ZNF827: variants seen among roughly 807,000 people sequenced by gnomAD.
ZNF827 encodes zinc finger protein 827.
Under a neutral mutation model 102.4 loss-of-function variants are expected in ZNF827, and 13 were observed. The observed-to-expected ratio is 0.13, with a 90% confidence interval of 0.08 to 0.20. The LOEUF (loss-of-function observed/expected upper bound fraction) is 0.20. Ranked by LOEUF, ZNF827 falls within the 10% of genes least tolerant of loss-of-function variation. The probability of loss-of-function intolerance (pLI) is 1.00; values close to 1 mark genes in which losing one functional copy is unlikely to be tolerated. For missense variants in ZNF827, 1,103 were observed against 1,344.4 expected (o/e 0.82, Z 2.81); for synonymous variants, 523 against 536.2 (o/e 0.98, Z 0.34).
At chr4:145,907,368 G>T (rs567799391) in intron 1 of ZNF827, 1 of 365,386 alleles carries the variant, frequency 2.7e-6, no homozygotes, top group South Asian at 2.1e-5. Context: ...ACACTACATC[G>T]TGAGAAAAAG....
intron 1 of ZNF827, among the ~76,000 whole-genome samples, chr4:145,920,156 T>A (rs1457404365): frequency 6.6e-6 from 1 of 152,166 alleles, no homozygotes. Flanking sequence ...AAATCTCAAA[T>A]GAGAAAACAT....
At chr4:145,936,120 T>A (rs1330542321) in intron 1 of ZNF827, among the ~76,000 whole-genome samples, 3 of 152,072 alleles carry the variant, frequency 2.0e-5, no homozygotes, top group Non-Finnish European at 4.4e-5. Context: ...GCCCATTTTG[T>A]CCAAGCACGG....
chr4:145,776,040 G>A, intron 9 of ZNF827, 80 bp from the exon 10 acceptor site: 1 of 1,525,846 alleles, frequency 6.6e-7, no homozygotes, highest in African/African-American at 1.4e-5. Context: ...TCAGTTAAAG[G>A]TATCAAGGAA....
chr4:145,809,535 C>T (rs1396055), intron 8 of ZNF827, among the ~76,000 whole-genome samples: 44,143 of 152,118 alleles, frequency 0.29, 6,725 homozygotes, highest in Middle Eastern at 0.34. Flanking sequence ...GGTCTGAATT[C>T]TAAAATGAAG....
chr4:145,829,066 G>T lies in ZNF827; in HGVS notation c.2280-5541C>A, dbSNP rs77763356. ...AACAAAACCAAAAGAAAACAGAAAAGAAGGTGAGTACAGACTGTGAGAGAA... is the reference window on the plus strand; with the variant it reads ...AACAAAACCAAAAGAAAACAGAAAATAAGGTGAGTACAGACTGTGAGAGAA... On this transcript the variant is annotated intron_variant, in intron 7 of 14. Coordinates refer to ENST00000508784, the MANE Select transcript of ZNF827 (RefSeq NM_001306215.2). Among the ~76,000 whole-genome samples the T allele has an allele frequency of 6.2e-3, 950 of 152,310 alleles. 4 individuals carry two copies. The highest frequency in any genetic ancestry group is 0.015 in the Admixed American group (225 of 15,300).
At chr4:145,870,193 G>A in intron 5 of ZNF827, 52 bp downstream of exon 5, 10 of 1,566,350 alleles carry the variant, frequency 6.4e-6, no homozygotes, top group Non-Finnish European at 8.8e-6. Flanking sequence ...CAGTCCAGTT[G>A]GCCTGCAAGT....
chr4:145,898,940 C>CT (rs1406076759), intron 2 of ZNF827, among the ~76,000 whole-genome samples: 1 of 152,084 alleles, frequency 6.6e-6, no homozygotes, highest in Non-Finnish European at 1.5e-5. Flanking sequence ...ACTTTATATG[C>CT]TTTTTTCTTG....
intron 9 of ZNF827, among the ~76,000 whole-genome samples, chr4:145,778,006 A>G (rs1737361958): frequency 1.3e-5 from 2 of 152,092 alleles, no homozygotes. Context: ...ATAAAACTCC[A>G]CTTTTTTGAA....
chr4:145,825,993 A>G (rs1743637563), intron 7 of ZNF827, among the ~76,000 whole-genome samples: 1 of 152,230 alleles, frequency 6.6e-6, no homozygotes, highest in East Asian at 1.9e-4. Context: ...AGAAACTTTC[A>G]GAAGGCAAGG....
chr4:145,908,825 T>C (rs1490554957), intron 1 of ZNF827, among the ~76,000 whole-genome samples: 1 of 152,144 alleles, frequency 6.6e-6, no homozygotes. Context: ...CAAAGCATAA[T>C]GACTGGTGCC....
intron 5 of ZNF827, among the ~76,000 whole-genome samples, chr4:145,857,418 T>A (rs915809851): frequency 3.9e-5 from 6 of 152,240 alleles, no homozygotes; most frequent in African/African-American, 1.4e-4. Flanking sequence ...GTTGCTTTAC[T>A]CTTACGTAGA....
chr4:145,785,277 C>T (rs1191941862), intron 8 of ZNF827, among the ~76,000 whole-genome samples: 1 of 152,134 alleles, frequency 6.6e-6, no homozygotes, highest in African/African-American at 2.4e-5. Flanking sequence ...GCAAACTATG[C>T]TTCTTATAAC....
chr4:145,788,012 G>A (rs952536225), intron 8 of ZNF827, among the ~76,000 whole-genome samples: 1 of 152,144 alleles, frequency 6.6e-6, no homozygotes. Context: ...TAGAGAAACT[G>A]AGTAATGACC....
rs188478863 is a variant in ZNF827, at chr4:145,817,862, T to C, written c.2383+5560A>G. ...ACCAGATCATCACTAAACTCAGCAA[T>C]ACATATTTTATCTAACTGAGAGTTT... On this transcript the variant is annotated intron_variant, in intron 8 of 14. Coordinates refer to ENST00000508784, the MANE Select transcript of ZNF827 (RefSeq NM_001306215.2). Among the ~76,000 whole-genome samples the C allele has an allele frequency of 3.3e-5, 5 of 152,136 alleles. 1 individual carries two copies. In the East Asian group the frequency reaches 9.6e-4, roughly 29 times the overall value.
rs1456339645 is a variant in ZNF827, at chr4:145,758,202, T to G, written c.*3414A>C. The G allele has an allele frequency of 6.6e-6, 1 of 152,216 alleles. No individual in the cohort carries two copies. Among genetic ancestry groups the G allele is most frequent in the Non-Finnish European group, 1.5e-5 (1 of 68,030 alleles). 9.4% of individuals were successfully genotyped at this position (152,216 alleles called of 1,614,324 possible). A position where few individuals can be genotyped will look rare whatever the true frequency, so the allele number is the denominator to read the frequency against. ...AATTTACCAGAAAGATTGATGACTC[T>G]TTCCAAAGTGCTAAAAAAGTTGCCC... On this transcript the variant is annotated 3_prime_UTR_variant, in exon 15 of 15. Coordinates refer to ENST00000508784, the MANE Select transcript of ZNF827 (RefSeq NM_001306215.2).
chr4:145,822,069 C>A (rs1743193377), intron 8 of ZNF827, among the ~76,000 whole-genome samples: 1 of 152,180 alleles, frequency 6.6e-6, no homozygotes, highest in Non-Finnish European at 1.5e-5. Context: ...TTCAAAATGA[C>A]ACTGTGGGAA....
chr4:145,842,182 C>A (rs1336336595), intron 7 of ZNF827, among the ~76,000 whole-genome samples: 1 of 152,198 alleles, frequency 6.6e-6, no homozygotes, highest in East Asian at 1.9e-4. Flanking sequence ...CAACCTTTAG[C>A]TTCACCTAAA....
Position 145,932,165 on chromosome 4 carries a change from C to T in ZNF827, c.43+6200G>A, listed in dbSNP as rs568967105. Among the ~76,000 whole-genome samples, 3 of 152,298 alleles carry T rather than the reference C, an allele frequency of 2.0e-5. No homozygotes were observed. In the East Asian group the frequency reaches 5.8e-4, roughly 29 times the overall value. The stretch of plus-strand genomic sequence containing the variant: ...CCTTGATCTTGGACTTCCCAACTTC[C>T]AGAACTGTAGGCAATACATTTCTAC... On this transcript the variant is annotated intron_variant, in intron 1 of 14. Transcript: ENST00000508784.
In ZNF827 at chr4:145,763,077, A is replaced by C. The variant is rs1347782510; in HGVS notation, c.*17+13T>G. ...AGGTGCACACACAACCCCTACGCCA[A>C]GCTGGGCCTTACCTAGAGGAGTCTG... On this transcript the variant is annotated intron_variant, in intron 14 of 14. Transcript: ENST00000508784. This position sits in a 1 kb window ranked among gnomAD's most constrained non-coding sequence, Gnocchi z 4.6. 6.5e-7 allele frequency: 1 copy of C among 1,535,756 alleles called. No homozygotes were observed. The highest frequency in any genetic ancestry group is 8.7e-7 in the Non-Finnish European group (1 of 1,146,738).
Sources: allele counts gnomAD v4.1 joint callset (sites outside exome capture counted in the v4.1 genomes callset), GRCh38; gene constraint gnomAD v4.1.1; non-coding constraint Gnocchi (gnomAD v3.1); transcripts MANE v1.5; gene names NCBI Gene and HGNC (gene_info 2026-07-23, HGNC 2026-07-21).